TLK1: variants seen among roughly 807,000 people sequenced by gnomAD.
TLK1 encodes tousled like kinase 1.
In TLK1, 24 loss-of-function variants were observed where a neutral mutation model predicts 105.3. The ratio of observed to expected loss-of-function variants is 0.23; its 90% CI spans 0.17 to 0.32. TLK1 has a LOEUF of 0.32. TLK1 is among the 10% of genes least tolerant of loss of function. The pLI, the probability that TLK1 is intolerant of heterozygous loss-of-function variation, is 1.00. For missense variants in TLK1, 558 were observed against 910.5 expected, an observed-to-expected ratio of 0.61 and a Z score of 4.98; for synonymous variants, 321 against 310.4, an observed-to-expected ratio of 1.03 and a Z score of -0.36.
chr2:171,211,098 C>T (rs1349413393), intron 1 of TLK1, among the ~76,000 whole-genome samples: 1 of 152,194 alleles, frequency 6.6e-6, no homozygotes, highest in Non-Finnish European at 1.5e-5. Context: ...TCTCTGCTTC[C>T]TGCCCCATGT....
chr2:171,052,039 G>T (rs986525073), intron 8 of TLK1, among the ~76,000 whole-genome samples: 3 of 152,138 alleles, frequency 2.0e-5, no homozygotes, highest in Admixed American at 6.5e-5. Context: ...GGAGACCAAG[G>T]TGGGAGGATC....
chr2:171,149,970 T>C (rs1575631413), intron 1 of TLK1, among the ~76,000 whole-genome samples: 1 of 152,040 alleles, frequency 6.6e-6, no homozygotes, highest in East Asian at 1.9e-4. Context: ...GACTGTATAA[T>C]AAAAATTTTT....
At chr2:171,024,292 G>A (rs902892262) in intron 12 of TLK1, among the ~76,000 whole-genome samples, 1 of 151,862 alleles carries the variant, frequency 6.6e-6, no homozygotes, top group Non-Finnish European at 1.5e-5. Flanking sequence ...AAAGGTCTTT[G>A]TTGACCTTTA....
At chr2:171,212,686 C>A (rs1362645289) in intron 1 of TLK1, among the ~76,000 whole-genome samples, 1 of 152,124 alleles carries the variant, frequency 6.6e-6, no homozygotes, top group Non-Finnish European at 1.5e-5. Flanking sequence ...CCCACTCTGT[C>A]CTCATAATTT....
intron 3 of TLK1, among the ~76,000 whole-genome samples, chr2:171,076,735 TA>T (rs35081277): frequency 0.064 from 8,021 of 125,020 alleles, 223 homozygotes; most frequent in Middle Eastern, 0.081. Flanking sequence ...CCATCTCTAC[TA>T]AAAAAAAAAA....
chr2:171,119,392 T>C (rs996797655), intron 1 of TLK1, among the ~76,000 whole-genome samples: 14 of 152,204 alleles, frequency 9.2e-5, no homozygotes, highest in Non-Finnish European at 2.1e-4. Flanking sequence ...ACTGCAAATA[T>C]TCCCCATGGC....
At chr2:171,011,625 A>G (rs1040560549) in intron 13 of TLK1, among the ~76,000 whole-genome samples, 171 bp from the exon 14 acceptor site, 2 of 152,316 alleles carry the variant, frequency 1.3e-5, no homozygotes, top group East Asian at 3.9e-4. Flanking sequence ...GTCTATCTGC[A>G]TGACTACCAC....
Position 171,097,439 on chromosome 2 carries a change from A to G in TLK1, c.259-14587T>C, listed in dbSNP as rs139418766. ...CAATGATTTTTGAAAATGATCCCAA[A>G]AATATAGGCAACAAAAGCAAAAATA... On this transcript the variant is annotated intron_variant, in intron 2 of 20. Coordinates refer to ENST00000431350, the MANE Select transcript of TLK1 (RefSeq NM_012290.5). Among the ~76,000 whole-genome samples, 762 of 152,346 alleles carry G rather than the reference A, an allele frequency of 5.0e-3. 6 individuals carry two copies. The highest frequency in any genetic ancestry group is 0.017 in the African/African-American group (708 of 41,582).
chr2:171,080,544 AAATAATAAT>A (rs71008747), intron 3 of TLK1, among the ~76,000 whole-genome samples: 20 of 145,030 alleles, frequency 1.4e-4, no homozygotes, highest in East Asian at 2.0e-4. Context: ...AGATACACTA[AAATAATAAT>A]AATAATAATA....
intron 2 of TLK1, among the ~76,000 whole-genome samples, chr2:171,086,965 T>TAAGACTAAAACA (rs1382457101): frequency 1.3e-5 from 2 of 152,154 alleles, no homozygotes; most frequent in Non-Finnish European, 2.9e-5. Context: ...GCAGCCTAGA[T>TAAGACTAAAACA]AAGACTAAAA....
chr2:171,222,807 C>CTATT (rs149339297), intron 1 of TLK1, among the ~76,000 whole-genome samples: 41,115 of 150,474 alleles, frequency 0.27, 6,060 homozygotes, highest in South Asian at 0.45. Context: ...TAACTATAGT[C>CTATT]TATTTATTTA....
At chr2:171,099,971 C>T (rs1689618878) in intron 2 of TLK1, among the ~76,000 whole-genome samples, 1 of 152,088 alleles carries the variant, frequency 6.6e-6, no homozygotes, top group African/African-American at 2.4e-5. Flanking sequence ...TTAGATATGA[C>T]ACCTACAGAA....
At chr2:171,053,020 G>A (rs1020933225) in intron 8 of TLK1, among the ~76,000 whole-genome samples, 1 of 152,198 alleles carries the variant, frequency 6.6e-6, no homozygotes, top group African/African-American at 2.4e-5. Flanking sequence ...TGAGTCTAAG[G>A]AGCATCAAGG....
intron 1 of TLK1, among the ~76,000 whole-genome samples, chr2:171,170,907 G>A (rs764692854): frequency 1.3e-4 from 20 of 152,110 alleles, no homozygotes; most frequent in Non-Finnish European, 2.1e-4. Context: ...CAGTGAAGTG[G>A]GGTAAAGAAT....
intron 11 of TLK1, among the ~76,000 whole-genome samples, chr2:171,033,886 AT>A (rs147318622): frequency 0.038 from 5,440 of 142,134 alleles, 151 homozygotes; most frequent in Middle Eastern, 0.093. Flanking sequence ...TAGTATCCAG[AT>A]TTTTTAAAAA....
intron 2 of TLK1, among the ~76,000 whole-genome samples, chr2:171,086,363 C>T (rs970704417): frequency 2.6e-5 from 4 of 152,122 alleles, no homozygotes; most frequent in African/African-American, 9.7e-5. Context: ...CAGTGGCTCG[C>T]GCCTGTAATC....
chr2:171,206,023 G>A (rs1266660354), intron 1 of TLK1, among the ~76,000 whole-genome samples: 1 of 152,118 alleles, frequency 6.6e-6, no homozygotes, highest in Non-Finnish European at 1.5e-5. Flanking sequence ...AGCTACTGCA[G>A]TAAATGAAAC....
intron 1 of TLK1, among the ~76,000 whole-genome samples, chr2:171,167,340 A>G (rs945046674): frequency 1.3e-5 from 2 of 152,182 alleles, no homozygotes; most frequent in Admixed American, 6.5e-5. Flanking sequence ...CTCACCTCCA[A>G]ATTTTTGTTT....
At chr2:171,089,752 G>A (rs905283449) in intron 2 of TLK1, among the ~76,000 whole-genome samples, 6 of 152,064 alleles carry the variant, frequency 3.9e-5, no homozygotes, top group Non-Finnish European at 1.5e-5. Flanking sequence ...ATAGCTCACT[G>A]CACCCTCGAA....
Sources: gnomAD v4.1 joint callset for allele counts (sites outside exome capture counted in the v4.1 genomes callset) on GRCh38, gnomAD v4.1.1 for gene constraint, MANE v1.5 for transcripts, NCBI Gene and HGNC (gene_info 2026-07-23, HGNC 2026-07-21) for gene names.